HPSE2: variants seen among roughly 807,000 people sequenced by gnomAD.
The protein encoded by HPSE2 is heparanase 2 (inactive), also known as inactive heparanase-2.
A neutral mutation model predicts 60.5 loss-of-function variants in HPSE2; 38 were observed. The ratio of observed to expected loss-of-function variants is 0.63; its 90% CI spans 0.48 to 0.82. HPSE2 has a LOEUF of 0.82. HPSE2 is among the 40% of genes least tolerant of loss of function. The pLI, the probability that HPSE2 is intolerant of heterozygous loss-of-function variation, is 0.00. For missense variants in HPSE2, 713 were observed against 740.4 expected (o/e 0.96, Z 0.43); for synonymous variants, 295 against 293.2 (o/e 1.01, Z -0.06).
At chr10:98,609,839 C>CTTTT (rs34422929) in intron 9 of HPSE2, among the ~76,000 whole-genome samples, 54 of 126,166 alleles carry the variant, frequency 4.3e-4, no homozygotes, top group East Asian at 8.7e-4. Flanking sequence ...TCTTCTTCTT[C>CTTTT]TTTTTTTTTT....
the HPSE2 span, among the ~76,000 whole-genome samples, chr10:99,305,964 C>CGCGT: frequency 1.2e-4 from 8 of 64,358 alleles, no homozygotes; most frequent in African/African-American, 3.6e-4. Context: ...CACACACACG[C>CGCGT]GCGCGCGCGC....
intron 2 of HPSE2, among the ~76,000 whole-genome samples, chr10:99,183,962 C>T (rs1011649252): frequency 2.0e-5 from 3 of 151,988 alleles, no homozygotes; most frequent in African/African-American, 7.2e-5. Flanking sequence ...TGTTTTTTAC[C>T]ACTCTAACAA....
rs1380490210 is a variant in HPSE2, at chr10:98,693,955, G to T, written c.957-8C>A. 1.3e-6 allele frequency: 2 copies of T among 1,592,252 alleles called. No homozygotes were observed. The highest frequency in any genetic ancestry group is 1.7e-6 in the Non-Finnish European group (2 of 1,163,828). The stretch of plus-strand genomic sequence containing the variant: ...CCTGCCACCTTCATGAATCTGTAAG[G>T]AATAGAAAGAAAAAAGATATTACAA... On this transcript the variant is annotated splice_polypyrimidine_tract_variant and splice_region_variant and intron_variant, in intron 5 of 11. Transcript: ENST00000370552.
At chr10:99,206,240 T>C (rs1482253148) in intron 2 of HPSE2, among the ~76,000 whole-genome samples, 1 of 152,194 alleles carries the variant, frequency 6.6e-6, no homozygotes, top group African/African-American at 2.4e-5. Flanking sequence ...AAAATATGTG[T>C]TAATCTACTG....
chr10:99,032,577 T>C (rs1238512669), intron 3 of HPSE2, among the ~76,000 whole-genome samples: 1 of 152,216 alleles, frequency 6.6e-6, no homozygotes, highest in African/African-American at 2.4e-5. Flanking sequence ...AAAAATTATC[T>C]TGACACTTGT....
chr10:98,726,149 C>G (rs943438798), intron 4 of HPSE2, among the ~76,000 whole-genome samples: 20 of 152,166 alleles, frequency 1.3e-4, no homozygotes, highest in South Asian at 1.2e-3. Context: ...ATACCCAAAG[C>G]ATTATAAATC....
intron 4 of HPSE2, among the ~76,000 whole-genome samples, chr10:98,738,115 T>C (rs1007950840): frequency 6.6e-6 from 1 of 152,130 alleles, no homozygotes; most frequent in African/African-American, 2.4e-5. Context: ...AACAGCACGG[T>C]ACTGGTACCA....
intron 7 of HPSE2, among the ~76,000 whole-genome samples, chr10:98,624,490 A>T (rs1946154885): frequency 6.6e-6 from 1 of 152,164 alleles, no homozygotes; most frequent in African/African-American, 2.4e-5. Context: ...CAGAGAAGAA[A>T]GGAGTATTTT....
chr10:98,500,408 C>T (rs1026399016), intron 9 of HPSE2, among the ~76,000 whole-genome samples: 1 of 152,174 alleles, frequency 6.6e-6, no homozygotes, highest in South Asian at 2.1e-4. Flanking sequence ...AATTAAATAA[C>T]CTGCTCCTGA....
At chr10:98,896,905 A>C (rs1192571318) in intron 3 of HPSE2, among the ~76,000 whole-genome samples, 1 of 152,206 alleles carries the variant, frequency 6.6e-6, no homozygotes, top group Non-Finnish European at 1.5e-5. Flanking sequence ...ACAAGGAGAA[A>C]TAGGTAATCT....
rs540067460 is a variant in HPSE2, at chr10:98,938,704, G to A, written c.611-194648C>T. 4.7e-4 allele frequency among the ~76,000 whole-genome samples: 68 copies of A among 143,750 alleles called. 15 individuals are homozygous for A. The highest frequency in any genetic ancestry group is 1.8e-3 in the African/African-American group (63 of 35,370). 94.3% of individuals were successfully genotyped at this position (143,750 alleles called of 152,430 possible). A position where few individuals can be genotyped will look rare whatever the true frequency, so the allele number is the denominator to read the frequency against. ...GAACTTCCCCAATCTAGCAAGGCAC[G>A]CCAACATTCAGACTCAGGAAATACA... is the stretch of plus-strand genomic sequence containing the variant. On this transcript the variant is annotated intron_variant, in intron 3 of 11. Transcript: ENST00000370552.
intron 3 of HPSE2, among the ~76,000 whole-genome samples, chr10:98,840,938 G>A (rs1420213696): frequency 6.6e-6 from 1 of 152,090 alleles, no homozygotes; most frequent in Non-Finnish European, 1.5e-5. Context: ...TTATTGTTTG[G>A]TTAACTAATT....
intron 3 of HPSE2, among the ~76,000 whole-genome samples, chr10:98,858,465 G>A (rs1952371935): frequency 6.6e-6 from 1 of 152,122 alleles, no homozygotes; most frequent in Non-Finnish European, 1.5e-5. Flanking sequence ...TATTTGGTAG[G>A]TTGACTTCCA....
chr10:98,897,173 G>C (rs1163439894), intron 3 of HPSE2, among the ~76,000 whole-genome samples: 1 of 152,064 alleles, frequency 6.6e-6, no homozygotes, highest in Non-Finnish European at 1.5e-5. Flanking sequence ...ATGGACTTTG[G>C]GGACTTGAAG....
At chr10:98,699,046 G>A (rs1250493496) in intron 5 of HPSE2, among the ~76,000 whole-genome samples, 8 of 151,816 alleles carry the variant, frequency 5.3e-5, no homozygotes, top group Non-Finnish European at 1.2e-4. Context: ...ATTCACAGCC[G>A]AATTCTACCA....
intron 9 of HPSE2, among the ~76,000 whole-genome samples, chr10:98,561,774 G>A (rs189368165): frequency 2.0e-5 from 3 of 152,326 alleles, no homozygotes; most frequent in African/African-American, 7.2e-5. Flanking sequence ...CTTGAACCCA[G>A]GAGGCGGAGT....
At chr10:98,803,332 C>A (rs1950962424) in intron 3 of HPSE2, among the ~76,000 whole-genome samples, 1 of 150,184 alleles carries the variant, frequency 6.7e-6, no homozygotes, top group Middle Eastern at 3.4e-3. Context: ...TTAATTAGAT[C>A]CCATTTGTCA....
Position 98,844,397 on chromosome 10 carries a change from C to T in HPSE2, c.611-100341G>A, listed in dbSNP as rs576172486. ...AGGTCATGCTTAAGTTTATATTATT[C>T]ATATTCTTATGTGATTTTGATAATT... On this transcript the variant is annotated intron_variant, in intron 3 of 11. Coordinates refer to ENST00000370552, the MANE Select transcript of HPSE2 (RefSeq NM_021828.5). Among the ~76,000 whole-genome samples, 3 of 152,220 alleles carry T rather than the reference C, an allele frequency of 2.0e-5. No homozygotes were observed. In the East Asian group the frequency reaches 5.8e-4, roughly 29 times the overall value.
chr10:99,283,573 T>C, the HPSE2 span, among the ~76,000 whole-genome samples: 2 of 151,838 alleles, frequency 1.3e-5, no homozygotes, highest in Non-Finnish European at 2.9e-5. Context: ...ATTAGTTCTT[T>C]GAAAAGATTA....
Sources: gnomAD v4.1 joint callset for allele counts (sites outside exome capture counted in the v4.1 genomes callset) on GRCh38, gnomAD v4.1.1 for gene constraint, MANE v1.5 for transcripts, NCBI Gene and HGNC (gene_info 2026-07-23, HGNC 2026-07-21) for gene names.